The following HTR1E variants were observed in gnomAD, a reference collection of about 807,000 sequenced individuals.
The protein encoded by HTR1E is 5-hydroxytryptamine receptor 1E, also known as 5-HT-1E.
A neutral mutation model predicts 3.4 loss-of-function variants in HTR1E; 3 were observed. That is an observed-to-expected ratio of 0.89 (90% CI 0.41 to 2.31). HTR1E has a LOEUF of 2.31. Among genes scored for constraint, HTR1E ranks in the 30% most tolerant of loss-of-function variants. The pLI, the probability that HTR1E is intolerant of heterozygous loss-of-function variation, is 0.05. For synonymous variants in HTR1E, 170 were observed against 182.8 expected (o/e 0.93, Z 0.56); for missense variants, 392 against 467.0 (o/e 0.84, Z 1.48).
At chr6:87,009,470 C>A (rs1451214521) in intron 1 of HTR1E, among the ~76,000 whole-genome samples, 1 of 151,918 alleles carries the variant, frequency 6.6e-6, no homozygotes, top group Non-Finnish European at 1.5e-5. Flanking sequence ...TCTCTCCACA[C>A]AGACACGGCA....
At chr6:86,978,227 C>A (rs1260539904) in intron 1 of HTR1E, among the ~76,000 whole-genome samples, 5 of 152,034 alleles carry the variant, frequency 3.3e-5, no homozygotes, top group Non-Finnish European at 7.4e-5. Context: ...ACATTATTTC[C>A]CCCACTCACC....
Position 87,008,986 on chromosome 6 carries a change from T to A in HTR1E, c.-185-6164T>A, listed in dbSNP as rs369185352. Among the ~76,000 whole-genome samples, 13 of 152,294 alleles carry A rather than the reference T, an allele frequency of 8.5e-5. No homozygotes were observed. The South Asian group carries it at 2.1e-3, about 24-fold the overall frequency. Reference sequence around the variant, plus strand: ...ATATATACCCCTGATAATGATAGTTTTGGTTTGCTTGTTTTTATTTTTATG... The same window carrying A: ...ATATATACCCCTGATAATGATAGTTATGGTTTGCTTGTTTTTATTTTTATG... On this transcript the variant is annotated intron_variant, in intron 1 of 1. Coordinates refer to ENST00000305344, the MANE Select transcript of HTR1E (RefSeq NM_000865.3).
At chr6:86,955,727 A>AGTGT (rs570048204) in intron 1 of HTR1E, among the ~76,000 whole-genome samples, 9 of 140,844 alleles carry the variant, frequency 6.4e-5, no homozygotes, top group African/African-American at 2.5e-4. Context: ...AGTGAGTGAG[A>AGTGT]GAGAGTGTGT....
chr6:87,015,888 A>C lies in HTR1E; in HGVS notation c.554A>C (p.Tyr185Ser). The C allele has an allele frequency of 6.2e-7, 1 of 1,612,772 alleles. No individual in the cohort carries two copies. The highest frequency in any genetic ancestry group is 1.1e-5 in the South Asian group (1 of 90,890). The part of the protein sequence containing the change: ...IQHDHVIYTI[Y>S]STLGAFYIPL... ...CACGACCATGTTATCTACACCATTT[A>C]CTCCACGCTGGGTGCGTTTTATATC... The change falls in exon 2 of 2, where the codon TAC becomes TCC. Residue 185 changes from tyrosine (Y) to serine (S), a missense_variant. Tyr to Ser is a moderately radical substitution (Grantham distance 144). Transcript: ENST00000305344.
intron 1 of HTR1E, among the ~76,000 whole-genome samples, chr6:86,990,454 T>C (rs1009918888): frequency 2.0e-5 from 3 of 152,146 alleles, no homozygotes; most frequent in African/African-American, 7.2e-5. Context: ...TTGTTGCCAG[T>C]CTATACAGGA....
chr6:86,978,042 T>G (rs1767664140), intron 1 of HTR1E, among the ~76,000 whole-genome samples: 1 of 152,206 alleles, frequency 6.6e-6, no homozygotes, highest in Non-Finnish European at 1.5e-5. Context: ...TTGATGAAGA[T>G]TTATTCCATG....
intron 1 of HTR1E, among the ~76,000 whole-genome samples, chr6:86,946,579 A>G (rs568866196): frequency 6.2e-4 from 95 of 152,356 alleles, no homozygotes; most frequent in South Asian, 1.2e-3. Context: ...AAATGAGATG[A>G]TGGTCATAAT....
chr6:86,970,201 A>G (rs1025781923), intron 1 of HTR1E, among the ~76,000 whole-genome samples: 5 of 152,226 alleles, frequency 3.3e-5, no homozygotes, highest in African/African-American at 1.2e-4. Flanking sequence ...GGAGCACAGC[A>G]ACATTCAATA....
intron 1 of HTR1E, among the ~76,000 whole-genome samples, chr6:87,014,870 G>A (rs555341142): frequency 5.2e-4 from 79 of 152,010 alleles, no homozygotes; most frequent in African/African-American, 9.2e-4. Context: ...TGGTTGTTGG[G>A]TGCAGCAAAC....
chr6:86,964,529 TTCTTTCTC>T (rs1467308311), intron 1 of HTR1E, among the ~76,000 whole-genome samples: 3 of 149,392 alleles, frequency 2.0e-5, no homozygotes, highest in Non-Finnish European at 4.5e-5. Context: ...AGTACTTAAA[TTCTTTCTC>T]TCTTTCTCTG....
At chr6:86,945,197 T>G (rs942397138) in intron 1 of HTR1E, among the ~76,000 whole-genome samples, 1 of 152,188 alleles carries the variant, frequency 6.6e-6, no homozygotes, top group Non-Finnish European at 1.5e-5. Flanking sequence ...CTGATAATCC[T>G]GAGCCTGTGT....
chr6:87,008,636 C>G (rs1768154398), intron 1 of HTR1E, among the ~76,000 whole-genome samples: 1 of 152,068 alleles, frequency 6.6e-6, no homozygotes, highest in Non-Finnish European at 1.5e-5. Context: ...GTTGGCTCTT[C>G]CTAGAGACAA....
intron 1 of HTR1E, among the ~76,000 whole-genome samples, chr6:87,008,946 A>G (rs1768159096): frequency 6.6e-6 from 1 of 152,222 alleles, no homozygotes; most frequent in Non-Finnish European, 1.5e-5. Flanking sequence ...CTTCCTTGAA[A>G]GTTACATCAC....
chr6:86,942,821 C>T (rs1057118072), intron 1 of HTR1E, among the ~76,000 whole-genome samples: 4 of 152,158 alleles, frequency 2.6e-5, no homozygotes, highest in African/African-American at 9.7e-5. Flanking sequence ...ACTGTACTGA[C>T]CCCAGGGTTT....
chr6:87,001,358 A>G (rs1042128621), intron 1 of HTR1E, among the ~76,000 whole-genome samples: 3 of 152,216 alleles, frequency 2.0e-5, no homozygotes, highest in Non-Finnish European at 4.4e-5. Flanking sequence ...TACTCAAAAG[A>G]CATAGAGTAG....
At chr6:86,948,499 G>A (rs1158634163) in intron 1 of HTR1E, among the ~76,000 whole-genome samples, 1 of 152,092 alleles carries the variant, frequency 6.6e-6, no homozygotes, top group East Asian at 1.9e-4. Context: ...ATGAGGTTTG[G>A]TAATCCAAGT....
rs530924366 is a variant in HTR1E at position 86,989,399 on chromosome 6, A to T, written c.-185-25751A>T. On this transcript the variant is annotated intron_variant, in intron 1 of 1. Transcript: ENST00000305344. ...TAAGAAGCTATCACAAAATCATGAT[A>T]AAAAAAATGATGAGCTATTTATACT... 2.5e-4 allele frequency among the ~76,000 whole-genome samples: 38 copies of T among 151,938 alleles called. 1 individual carries two copies. Among genetic ancestry groups the T allele is most frequent in the African/African-American group, 8.0e-4 (33 of 41,326 alleles).
Position 87,015,828 on chromosome 6 carries a change from G to T in HTR1E, c.494G>T (p.Arg165Leu). The change falls in exon 2 of 2, where the codon CGC becomes CTC. Residue 165 changes from arginine to leucine, a missense_variant. Arg to Leu is a moderately radical substitution (Grantham distance 102). Coordinates refer to ENST00000305344, the MANE Select transcript of HTR1E (RefSeq NM_000865.3). The stretch of plus-strand genomic sequence containing the variant: ...CCTCTGTTCTGGAGAAGCCACCGCC[G>T]CCTAAGCCCTCCCCCTAGTCAGTGC... The part of the protein sequence containing the change: ...MPPLFWRSHR[R>L]LSPPPSQCTI... The T allele has an allele frequency of 6.2e-7, 1 of 1,613,610 alleles. No homozygotes were observed. Among genetic ancestry groups the T allele is most frequent in the South Asian group, 1.1e-5 (1 of 90,992 alleles).
chr6:86,941,933 A>G (rs981782605), intron 1 of HTR1E, among the ~76,000 whole-genome samples: 3 of 152,122 alleles, frequency 2.0e-5, no homozygotes, highest in African/African-American at 7.2e-5. Flanking sequence ...TGGTCAGGGA[A>G]AAGTTTTATT....
Sources: allele counts gnomAD v4.1 joint callset (sites outside exome capture counted in the v4.1 genomes callset), GRCh38; gene constraint gnomAD v4.1.1; transcripts MANE v1.5; gene names NCBI Gene and HGNC (gene_info 2026-07-23, HGNC 2026-07-21).